THSD7A: variants seen among roughly 807,000 people sequenced by gnomAD.
THSD7A encodes the protein thrombospondin type-1 domain-containing protein 7A.
Under a neutral mutation model 231.3 loss-of-function variants are expected in THSD7A, and 96 were observed. The ratio of observed to expected loss-of-function variants is 0.41; its 90% CI spans 0.35 to 0.49. The LOEUF (loss-of-function observed/expected upper bound fraction) is 0.49, where lower values mean the gene tolerates loss of function less well. Ranked by LOEUF, THSD7A falls within the 20% of genes least tolerant of loss-of-function variation. The pLI is 0.05. For missense variants in THSD7A, 2,290 were observed against 2,070.2 expected, an observed-to-expected ratio of 1.11 and a Z score of -2.06; for synonymous variants, 940 against 743.3, an observed-to-expected ratio of 1.26 and a Z score of -4.30.
rs1476592122 is a variant in THSD7A, at chr7:11,372,592, C to T, written c.*3202G>A. The T allele has an allele frequency of 2.6e-5, 4 of 152,166 alleles. No individual in the cohort carries two copies. The highest frequency in any genetic ancestry group is 2.1e-4 in the South Asian group (1 of 4,816). The allele number at this position is 152,166 out of a possible 1,614,324, so 9.4% of individuals were successfully genotyped here. A position where few individuals can be genotyped will look rare whatever the true frequency, so the allele number is the denominator to read the frequency against. Reference sequence around the variant, plus strand: ...AAAGAGATCAGTTAGTCCTATTCTACGTGGTTTCTAGTGAAATAGTCCAGC... The same window carrying T: ...AAAGAGATCAGTTAGTCCTATTCTATGTGGTTTCTAGTGAAATAGTCCAGC... On this transcript the variant is annotated 3_prime_UTR_variant, in exon 28 of 28. Coordinates refer to ENST00000423059, the MANE Select transcript of THSD7A (RefSeq NM_015204.3).
intron 2 of THSD7A, among the ~76,000 whole-genome samples, chr7:11,629,940 A>T (rs2128357302): frequency 6.6e-6 from 1 of 152,310 alleles, no homozygotes; most frequent in East Asian, 1.9e-4. Flanking sequence ...ATCCCAGAAC[A>T]CGTATGGTTT....
chr7:11,820,858 T>C lies in THSD7A; in HGVS notation c.190+10899A>G, dbSNP rs375106605. 391 of 939,658 alleles carry C rather than the reference T, an allele frequency of 4.2e-4. No individual in the cohort carries two copies. The African/African-American group carries it at 6.0e-3, about 14-fold the overall frequency. The allele number at this position is 939,658 out of a possible 1,614,324, so 58.2% of individuals were successfully genotyped here. A position where few individuals can be genotyped will look rare whatever the true frequency, so the allele number is the denominator to read the frequency against. On this transcript the variant is annotated intron_variant, in intron 1 of 27. Transcript: ENST00000423059. ...TTGATCCTTTATAAGTTTTCTGTTTTCTCAGCTGACCTTTCCCTCGAGTGG... is the reference window on the plus strand; with the variant it reads ...TTGATCCTTTATAAGTTTTCTGTTTCCTCAGCTGACCTTTCCCTCGAGTGG...
At chr7:11,456,854 A>G (rs148376178) in intron 11 of THSD7A, among the ~76,000 whole-genome samples, 1 of 152,182 alleles carries the variant, frequency 6.6e-6, no homozygotes, top group African/African-American at 2.4e-5. Context: ...ATGGACATAT[A>G]GATTGATAAA....
At chr7:11,464,784 G>A (rs1268236224) in intron 9 of THSD7A, among the ~76,000 whole-genome samples, 1 of 152,132 alleles carries the variant, frequency 6.6e-6, no homozygotes, top group Non-Finnish European at 1.5e-5. Flanking sequence ...CAGAGAAGAC[G>A]TTTAATGGGG....
At chr7:11,443,228 C>G (rs1267419901) in intron 13 of THSD7A, among the ~76,000 whole-genome samples, 1 of 152,038 alleles carries the variant, frequency 6.6e-6, no homozygotes, top group Non-Finnish European at 1.5e-5. Context: ...GTATGCATAA[C>G]AAGCTAAAAT....
At chr7:11,404,229 C>G (rs1486214996) in intron 22 of THSD7A, among the ~76,000 whole-genome samples, 1 of 152,164 alleles carries the variant, frequency 6.6e-6, no homozygotes, top group Non-Finnish European at 1.5e-5. Flanking sequence ...TTGGTCTGCA[C>G]TGTATCTCTG....
intron 4 of THSD7A, among the ~76,000 whole-genome samples, chr7:11,562,791 A>G (rs1337459052): frequency 6.6e-6 from 1 of 152,092 alleles, no homozygotes; most frequent in African/African-American, 2.4e-5. Flanking sequence ...ACTCCCTGCC[A>G]TTATGTTAGG....
At chr7:11,515,826 A>T (rs1351092859) in intron 6 of THSD7A, among the ~76,000 whole-genome samples, 1 of 152,148 alleles carries the variant, frequency 6.6e-6, no homozygotes, top group East Asian at 1.9e-4. Context: ...CTATCCAGGG[A>T]TATAAGCTCA....
intron 1 of THSD7A, among the ~76,000 whole-genome samples, chr7:11,716,000 C>A (rs1781122678): frequency 6.6e-6 from 1 of 151,536 alleles, no homozygotes; most frequent in Admixed American, 6.6e-5. Flanking sequence ...TACTAAGATT[C>A]TAGAAAGAGG....
chr7:11,730,037 T>C (rs759860105), intron 1 of THSD7A, among the ~76,000 whole-genome samples: 2 of 151,674 alleles, frequency 1.3e-5, no homozygotes, highest in African/African-American at 2.4e-5. Flanking sequence ...CTTTCTACAA[T>C]TGGTGAGTGA....
intron 7 of THSD7A, among the ~76,000 whole-genome samples, chr7:11,479,382 C>A (rs892535410): frequency 1.3e-5 from 2 of 152,200 alleles, no homozygotes; most frequent in African/African-American, 4.8e-5. Context: ...CCTAGAAAAT[C>A]ATATAATTTC....
chr7:11,465,409 C>T (rs1010329840), intron 9 of THSD7A, among the ~76,000 whole-genome samples: 2 of 152,048 alleles, frequency 1.3e-5, no homozygotes, highest in Admixed American at 6.6e-5. Context: ...ATGGAAAAAA[C>T]AGATCGTACA....
At chr7:11,546,195 G>GGC (rs1554335254) in intron 4 of THSD7A, among the ~76,000 whole-genome samples, 865 of 78,724 alleles carry the variant, frequency 0.011, 11 homozygotes, top group African/African-American at 0.03. Context: ...TGCTGGTGTG[G>GGC]GCGCGCGCTC....
At position 11,411,181 on chromosome 7, in the gene THSD7A, G is replaced by A. The variant is rs763371161; in HGVS notation, c.3798+26C>T. The A allele has an allele frequency of 3.4e-5, 53 of 1,556,330 alleles. No homozygotes were observed. The highest frequency in any genetic ancestry group is 4.1e-5 in the Non-Finnish European group (46 of 1,129,978). ...AATTATTAGGGAAGAATTTACTCGC[G>A]AAGATATAACACAGCATCCACCTAC... On this transcript the variant is annotated intron_variant, in intron 19 of 27. Transcript: ENST00000423059. The surrounding 1 kb of genome is among the most constrained non-coding windows in gnomAD (Gnocchi z 4.1).
In THSD7A at chr7:11,444,243, G is replaced by A. The variant is rs1195336909; in HGVS notation, c.3064+1818C>T. Among the ~76,000 whole-genome samples the A allele has an allele frequency of 2.6e-5, 4 of 152,142 alleles. No homozygotes were observed. The highest frequency in any genetic ancestry group is 3.4e-3 in the Middle Eastern group (1 of 294). On this transcript the variant is annotated intron_variant, in intron 13 of 27. Transcript: ENST00000423059. This position sits in a 1 kb window ranked among gnomAD's most constrained non-coding sequence, Gnocchi z 4.2. Reference sequence around the variant, plus strand: ...CAACCATTGTGGAAGACAGTGTGGCGATTCCTCAAGGATCTAGAACCAGAA... The same window carrying A: ...CAACCATTGTGGAAGACAGTGTGGCAATTCCTCAAGGATCTAGAACCAGAA...
chr7:11,478,755 T>C (rs1786301956), intron 7 of THSD7A, among the ~76,000 whole-genome samples: 1 of 152,170 alleles, frequency 6.6e-6, no homozygotes, highest in South Asian at 2.1e-4. Context: ...TTTTATCTAC[T>C]GGATTGGGGC....
chr7:11,474,617 C>G lies in THSD7A; in HGVS notation c.2018-49G>C. On this transcript the variant is annotated intron_variant, in intron 7 of 27. Transcript: ENST00000423059. The surrounding 1 kb of genome is among the most constrained non-coding windows in gnomAD (Gnocchi z 4.1). ...AAATTAGATACGGTGCCAACAGGAA[C>G]CTTACCATACTCTGTTCTTTGGAAT... is the stretch of plus-strand genomic sequence containing the variant. 3 of 1,430,168 alleles carry G rather than the reference C, an allele frequency of 2.1e-6. No individual in the cohort carries two copies. Among genetic ancestry groups the G allele is most frequent in the East Asian group, 2.3e-5 (1 of 42,828 alleles). The allele number at this position is 1,430,168 out of a possible 1,614,324, so 88.6% of individuals were successfully genotyped here. A position where few individuals can be genotyped will look rare whatever the true frequency, so the allele number is the denominator to read the frequency against.
intron 1 of THSD7A, among the ~76,000 whole-genome samples, chr7:11,704,857 G>A (rs1197114878): frequency 2.0e-5 from 3 of 150,958 alleles, no homozygotes. Flanking sequence ...TTTGAGAATC[G>A]TATGATGTGG....
chr7:11,728,856 A>G (rs889210311), intron 1 of THSD7A, among the ~76,000 whole-genome samples: 10 of 151,906 alleles, frequency 6.6e-5, no homozygotes, highest in African/African-American at 2.4e-4. Context: ...AAATTTTATT[A>G]GTAAAGACCA....
Sources: gnomAD v4.1 joint callset for allele counts (sites outside exome capture counted in the v4.1 genomes callset) on GRCh38, gnomAD v4.1.1 for gene constraint, Gnocchi (gnomAD v3.1) non-coding constraint, MANE v1.5 for transcripts, NCBI Gene and HGNC (gene_info 2026-07-23, HGNC 2026-07-21) for gene names.